The following LRRC7 variants were observed in gnomAD, a reference collection of about 807,000 sequenced individuals.
The protein encoded by LRRC7 is leucine-rich repeat-containing protein 7.
A neutral mutation model predicts 175.7 loss-of-function variants in LRRC7; 23 were observed. The ratio of observed to expected loss-of-function variants is 0.13; its 90% CI spans 0.09 to 0.19. LRRC7 has a LOEUF of 0.19. LRRC7 is among the 10% of genes least tolerant of loss of function. The probability of loss-of-function intolerance (pLI) is 1.00; values close to 1 mark genes in which losing one functional copy is unlikely to be tolerated. For synonymous variants in LRRC7, 685 were observed against 680.9 expected, an observed-to-expected ratio of 1.01 and a Z score of -0.09; for missense variants, 1,354 against 1,904.7, an observed-to-expected ratio of 0.71 and a Z score of 5.38.
intron 15 of LRRC7, among the ~76,000 whole-genome samples, chr1:70,020,101 A>C (rs377055395): frequency 7.9e-5 from 12 of 151,962 alleles, no homozygotes; most frequent in African/African-American, 2.7e-4. Flanking sequence ...AAAGGTTGGT[A>C]ATTGAAAAGT....
At chr1:69,579,405 T>G (rs1320472676) in intron 1 of LRRC7, among the ~76,000 whole-genome samples, 1 of 152,186 alleles carries the variant, frequency 6.6e-6, no homozygotes, top group Non-Finnish European at 1.5e-5. Flanking sequence ...GTGTGATTTG[T>G]GTGATCACAC....
rs1645595860 is a variant in LRRC7, at chr1:69,568,622, C to G, written c.-18C>G. Reference sequence around the variant, plus strand: ...ACTACGCTCTCCGAAACCTCATGGGCAGTTTCTCCCGCCGGCGATGTGAGT... The same window carrying G: ...ACTACGCTCTCCGAAACCTCATGGGGAGTTTCTCCCGCCGGCGATGTGAGT... On this transcript the variant is annotated 5_prime_UTR_variant, in exon 1 of 27. Coordinates refer to ENST00000651989, the MANE Select transcript of LRRC7 (RefSeq NM_001370785.2). 1 of 1,352,482 alleles carries G rather than the reference C, an allele frequency of 7.4e-7. No homozygotes were observed. 83.8% of individuals were successfully genotyped at this position (1,352,482 alleles called of 1,614,324 possible).
At chr1:69,609,304 C>A (rs529457268) in intron 1 of LRRC7, among the ~76,000 whole-genome samples, 1 of 152,080 alleles carries the variant, frequency 6.6e-6, no homozygotes, top group South Asian at 2.1e-4. Context: ...TTAGGCAGAA[C>A]AGTGGTAGGA....
At chr1:69,938,995 T>TTTTATATATATATATATA (rs1553178449) in intron 8 of LRRC7, among the ~76,000 whole-genome samples, 1 of 97,606 alleles carries the variant, frequency 1.0e-5, no homozygotes, top group African/African-American at 4.0e-5. Context: ...AGGCTGTAGA[T>TTTTATATATATATATATA]TATATATATA....
rs1666370030 is a variant in LRRC7 at position 70,124,740 on chromosome 1, C to A, written c.*2853C>A. 6.9e-6 allele frequency among the ~76,000 whole-genome samples: 1 copy of A among 145,728 alleles called. No homozygotes were observed. The highest frequency in any genetic ancestry group is 1.5e-5 in the Non-Finnish European group (1 of 65,750). On this transcript the variant is annotated 3_prime_UTR_variant, in exon 27 of 27. Transcript: ENST00000651989. ...GGTTATTTTAACAATAAAAAAAAGT[C>A]AAGGGTGTGCCTTTTAAAAAAAAAA...
intron 3 of LRRC7, among the ~76,000 whole-genome samples, chr1:69,765,516 T>A (rs924727332): frequency 9.9e-5 from 15 of 152,048 alleles, no homozygotes; most frequent in African/African-American, 3.6e-4. Flanking sequence ...TTTTTAGCAA[T>A]GGAAAAAAAT....
In LRRC7 at chr1:70,126,851, C is replaced by G. The variant is rs1390825038; in HGVS notation, c.*4964C>G. ...GAACCTTCTGGGGGCATTTCTGTTT[C>G]TAGCGTGTAAAACTGACCTGTCTTC... is the stretch of plus-strand genomic sequence containing the variant. On this transcript the variant is annotated 3_prime_UTR_variant, in exon 27 of 27. Coordinates refer to ENST00000651989, the MANE Select transcript of LRRC7 (RefSeq NM_001370785.2). Among the ~76,000 whole-genome samples, 1 of 152,198 alleles carries G rather than the reference C, an allele frequency of 6.6e-6. No homozygotes were observed. The highest frequency in any genetic ancestry group is 2.4e-5 in the African/African-American group (1 of 41,436).
intron 1 of LRRC7, among the ~76,000 whole-genome samples, chr1:69,591,351 T>A (rs1035837038): frequency 1.3e-5 from 2 of 150,272 alleles, no homozygotes; most frequent in Non-Finnish European, 3.0e-5. Context: ...TGTCTGAGAA[T>A]TTTTTTGGGT....
rs1553146139 is a variant in LRRC7, at chr1:69,718,142, G to GAAAGAAAGAGAAAGAA, written c.100+39665_100+39666insAAGAAAGAGAAAGAAA. 4.1e-5 allele frequency among the ~76,000 whole-genome samples: 3 copies of GAAAGAAAGAGAAAGAA among 73,716 alleles called. 1 individual carries two copies. Among genetic ancestry groups the GAAAGAAAGAGAAAGAA allele is most frequent in the African/African-American group, 2.4e-4 (3 of 12,386 alleles). The allele number at this position is 73,716 out of a possible 152,430, so 48.4% of individuals were successfully genotyped here. A position where few individuals can be genotyped will look rare whatever the true frequency, so the allele number is the denominator to read the frequency against. On this transcript the variant is annotated intron_variant, in intron 2 of 26. Transcript: ENST00000651989. Reference sequence around the variant, plus strand: ...GAAAGAAAGAAAAGAAAGAAAGAGAGAGAAAGAAAGAAAGAAAGAAAGAAA... The same window carrying GAAAGAAAGAGAAAGAA: ...GAAAGAAAGAAAAGAAAGAAAGAGAGAAAGAAAGAGAAAGAAAGAAAGAAAGAAAGAAAGAAAGAAA...
chr1:70,089,724 T>C lies in LRRC7; in HGVS notation c.4453-3T>C, dbSNP rs767346870. 1.3e-6 allele frequency: 2 copies of C among 1,580,730 alleles called. No individual in the cohort carries two copies. Among genetic ancestry groups the C allele is most frequent in the South Asian group, 2.3e-5 (2 of 88,032 alleles). On this transcript the variant is annotated splice_polypyrimidine_tract_variant and splice_region_variant and intron_variant, in intron 24 of 26. Coordinates refer to ENST00000651989, the MANE Select transcript of LRRC7 (RefSeq NM_001370785.2). ...CTTACCATTTTATATCTTTTTTACA[T>C]AGTTTTGTGTGAGAATAGAAAAGAA... is the stretch of plus-strand genomic sequence containing the variant.
intron 18 of LRRC7, among the ~76,000 whole-genome samples, chr1:70,032,966 T>A (rs1571101418): frequency 6.6e-6 from 1 of 152,228 alleles, no homozygotes; most frequent in East Asian, 1.9e-4. Flanking sequence ...AAAAATTTCC[T>A]CTGTCATTGC....
Position 69,760,192 on chromosome 1 carries a change from G to T in LRRC7, c.102G>T (p.Leu34Phe), listed in dbSNP as rs1217400070. 4 of 1,612,514 alleles carry T rather than the reference G, an allele frequency of 2.5e-6. No homozygotes were observed. The highest frequency in any genetic ancestry group is 1.3e-5 in the African/African-American group (1 of 74,926). ...TGTTTTGTTTCTGCGTTTCTCTAGTGCAGTGCCTGGAGATGACCACCAAAC... is the reference window on the plus strand; with the variant it reads ...TGTTTTGTTTCTGCGTTTCTCTAGTTCAGTGCCTGGAGATGACCACCAAAC... ...AALRKRPEEE[L>F]QCLEMTTKRK... The change falls in exon 3 of 27, where the codon TTG becomes TTT. Residue 34 changes from leucine to phenylalanine, a missense_variant and splice_region_variant. By Grantham distance (22) the Leu-to-Phe change is conservative. Coordinates refer to ENST00000651989, the MANE Select transcript of LRRC7 (RefSeq NM_001370785.2).
chr1:69,737,855 A>G (rs1668288479), intron 2 of LRRC7, among the ~76,000 whole-genome samples: 1 of 152,130 alleles, frequency 6.6e-6, no homozygotes, highest in Non-Finnish European at 1.5e-5. Flanking sequence ...TTTTGGATCA[A>G]AGACTAAGAA....
In LRRC7 at chr1:69,919,706, G is replaced by A. The variant is rs1037046389; in HGVS notation, c.648-11801G>A. 3 of 999,928 alleles carry A rather than the reference G, an allele frequency of 3.0e-6. No homozygotes were observed. The African/African-American group carries it at 4.8e-5, about 16-fold the overall frequency. 61.9% of individuals were successfully genotyped at this position (999,928 alleles called of 1,614,324 possible). The stretch of plus-strand genomic sequence containing the variant: ...CGACTGCAGCTCGGCCAAGGCCAGG[G>A]GAGACCTGGGTGCCTTCAGCAAAGG... On this transcript the variant is annotated intron_variant, in intron 7 of 26. Transcript: ENST00000651989.
chr1:70,065,862 A>G (rs940989606), intron 23 of LRRC7, among the ~76,000 whole-genome samples: 2 of 152,012 alleles, frequency 1.3e-5, no homozygotes, highest in East Asian at 1.9e-4. Flanking sequence ...CTGCTTGCAT[A>G]CAAATAACTT....
chr1:70,012,530 G>A (rs1349146020), intron 12 of LRRC7, among the ~76,000 whole-genome samples: 1 of 151,648 alleles, frequency 6.6e-6, no homozygotes, highest in East Asian at 1.9e-4. Context: ...TTATCTTAGA[G>A]CCAAAACATA....
chr1:69,647,727 A>G (rs55641051), intron 1 of LRRC7, among the ~76,000 whole-genome samples: 25,648 of 152,066 alleles, frequency 0.17, 2,395 homozygotes, highest in East Asian at 0.34. Flanking sequence ...CATTATATGT[A>G]TATTAAGTAT....
intron 4 of LRRC7, among the ~76,000 whole-genome samples, chr1:69,807,427 A>G (rs12728924): frequency 6.6e-6 from 1 of 151,980 alleles, no homozygotes; most frequent in Non-Finnish European, 1.5e-5. Context: ...TTTTGCAGCG[A>G]CTGGTACCGG....
At chr1:69,867,007 ATAAAC>A (rs1177547888) in intron 7 of LRRC7, among the ~76,000 whole-genome samples, 9 of 152,204 alleles carry the variant, frequency 5.9e-5, no homozygotes, top group Admixed American at 4.6e-4. Context: ...ACTGGAATAA[ATAAAC>A]TAGCAAAGTC....
Sources: allele counts gnomAD v4.1 joint callset (sites outside exome capture counted in the v4.1 genomes callset), GRCh38; gene constraint gnomAD v4.1.1; transcripts MANE v1.5; gene names NCBI Gene and HGNC (gene_info 2026-07-23, HGNC 2026-07-21).